ANTXR2: variants seen among roughly 807,000 people sequenced by gnomAD.
The protein encoded by ANTXR2 is ANTXR cell adhesion molecule 2.
ANTXR2 carries 44 observed loss-of-function variants against 73.7 expected under a neutral mutation model. The ratio of observed to expected loss-of-function variants is 0.60; its 90% CI spans 0.47 to 0.77. The LOEUF is 0.77. Among genes scored for constraint, ANTXR2 ranks in the 30% least tolerant of loss-of-function variants. ANTXR2 has a pLI of 0.00. For missense variants in ANTXR2, 604 were observed against 592.5 expected (o/e 1.02, Z -0.20); for synonymous variants, 217 against 205.9 (o/e 1.05, Z -0.46).
At chr4:80,003,533 C>G (rs1731157709) in intron 12 of ANTXR2, among the ~76,000 whole-genome samples, 2 of 151,372 alleles carry the variant, frequency 1.3e-5, no homozygotes, top group Non-Finnish European at 2.9e-5. Context: ...GCACATTGTG[C>G]ACATGTACCC....
chr4:80,003,115 T>C (rs1731131488), intron 12 of ANTXR2, among the ~76,000 whole-genome samples: 1 of 152,074 alleles, frequency 6.6e-6, no homozygotes, highest in African/African-American at 2.4e-5. Context: ...TGCACACGTA[T>C]GTTTATTGCG....
At position 79,904,115 on chromosome 4, in the gene ANTXR2, TTAAAC is replaced by T. The variant is rs1726818317; in HGVS notation, c.*3309_*3313del. On this transcript the variant is annotated 3_prime_UTR_variant, in exon 17 of 17. Coordinates refer to ENST00000403729, the MANE Select transcript of ANTXR2 (RefSeq NM_058172.6). ...CCACAATATAGAATTTGTTTCAACT[TTAAAC>T]TAAACAAATGTATCTGCCTCTGAGC... is the stretch of plus-strand genomic sequence containing the variant. 1 of 99,974 alleles carries T rather than the reference TTAAAC, an allele frequency of 1.0e-5. No homozygotes were observed. Among genetic ancestry groups the T allele is most frequent in the East Asian group, 2.2e-4 (1 of 4,628 alleles). 6.2% of individuals were successfully genotyped at this position (99,974 alleles called of 1,614,324 possible).
At chr4:79,927,907 T>C (rs903812770) in intron 16 of ANTXR2, among the ~76,000 whole-genome samples, 10 of 152,208 alleles carry the variant, frequency 6.6e-5, no homozygotes, top group Admixed American at 5.9e-4. Flanking sequence ...CATGCATTGC[T>C]GGTGGAAATG....
chr4:79,976,584 G>A (rs988234966), intron 16 of ANTXR2, among the ~76,000 whole-genome samples: 1 of 152,200 alleles, frequency 6.6e-6, no homozygotes. Context: ...TTAAAAGTGG[G>A]TATCAATATG....
chr4:79,992,229 T>A (rs952385716), intron 12 of ANTXR2, among the ~76,000 whole-genome samples: 2 of 152,008 alleles, frequency 1.3e-5, no homozygotes, highest in Non-Finnish European at 2.9e-5. Context: ...GTACATATAT[T>A]AGTCTCTCTC....
chr4:80,007,831 TC>T (rs2110055115), intron 12 of ANTXR2, among the ~76,000 whole-genome samples: 1 of 152,304 alleles, frequency 6.6e-6, no homozygotes, highest in East Asian at 1.9e-4. Flanking sequence ...CACATTTTAG[TC>T]CACGTAAACC....
intron 12 of ANTXR2, among the ~76,000 whole-genome samples, chr4:79,997,443 C>T (rs975722159): frequency 4.0e-5 from 6 of 151,780 alleles, no homozygotes; most frequent in African/African-American, 1.5e-4. Flanking sequence ...TGGGGGTCTT[C>T]CTTTCATTCT....
chr4:79,917,259 G>A (rs915553669), intron 16 of ANTXR2, among the ~76,000 whole-genome samples: 4 of 152,068 alleles, frequency 2.6e-5, no homozygotes, highest in Admixed American at 2.6e-4. Context: ...GGCACATGGA[G>A]CCTTCTCAAA....
chr4:80,065,059 A>G (rs1337096248), intron 3 of ANTXR2, among the ~76,000 whole-genome samples: 2 of 152,182 alleles, frequency 1.3e-5, no homozygotes, highest in African/African-American at 4.8e-5. Flanking sequence ...AACAGTATCT[A>G]TTACAGGAAG....
intron 16 of ANTXR2, among the ~76,000 whole-genome samples, chr4:79,928,272 G>A (rs1436224265): frequency 6.6e-6 from 1 of 152,132 alleles, no homozygotes; most frequent in East Asian, 1.9e-4. Flanking sequence ...GACAAATATT[G>A]TATGATCCCA....
chr4:79,918,237 A>G (rs1727432147), intron 16 of ANTXR2, among the ~76,000 whole-genome samples: 1 of 152,106 alleles, frequency 6.6e-6, no homozygotes, highest in Admixed American at 6.6e-5. Context: ...GGTTTGTCAT[A>G]TAAGTAATAA....
chr4:80,053,232 G>A (rs1228837624), intron 7 of ANTXR2, among the ~76,000 whole-genome samples: 1 of 151,428 alleles, frequency 6.6e-6, no homozygotes, highest in East Asian at 2.0e-4. Flanking sequence ...TTTTTACACT[G>A]CAACTATTCC....
At position 80,055,928 on chromosome 4, in the gene ANTXR2, T is replaced by G; in HGVS notation, c.378+4A>C. ...CCCATATTTACAAATGTAAAATAAC[T>G]TACTAGCTTTAGTCCTTCATGGATA... On this transcript the variant is annotated splice_donor_region_variant and intron_variant, in intron 4 of 16. Coordinates refer to ENST00000403729, the MANE Select transcript of ANTXR2 (RefSeq NM_058172.6). 8 of 1,520,972 alleles carry G rather than the reference T, an allele frequency of 5.3e-6. No homozygotes were observed. Among genetic ancestry groups the G allele is most frequent in the Non-Finnish European group, 7.1e-6 (8 of 1,129,592 alleles). The allele number at this position is 1,520,972 out of a possible 1,614,324, so 94.2% of individuals were successfully genotyped here. A position where few individuals can be genotyped will look rare whatever the true frequency, so the allele number is the denominator to read the frequency against.
chr4:79,947,322 G>T (rs147990212), intron 16 of ANTXR2, among the ~76,000 whole-genome samples: 1 of 152,050 alleles, frequency 6.6e-6, no homozygotes, highest in African/African-American at 2.4e-5. Context: ...ATCTGTTCTT[G>T]CATGTTAGTT....
At chr4:79,976,967 A>G (rs1021786516) in intron 16 of ANTXR2, among the ~76,000 whole-genome samples, 1 of 152,244 alleles carries the variant, frequency 6.6e-6, no homozygotes, top group African/African-American at 2.4e-5. Flanking sequence ...CATCAATACA[A>G]TGGGAAATAG....
rs1726729048 is a variant in ANTXR2 at position 79,902,110 on chromosome 4, A to G, written c.*5319T>C. The G allele has an allele frequency of 6.6e-6, 1 of 152,172 alleles. No homozygotes were observed. Among genetic ancestry groups the G allele is most frequent in the African/African-American group, 2.4e-5 (1 of 41,442 alleles). The allele number at this position is 152,172 out of a possible 1,614,324, so 9.4% of individuals were successfully genotyped here. ...AACCTACTTAAATGTACATTTTAAT[A>G]ACTTTAACAATTTATTTTGGATCAC... is the stretch of plus-strand genomic sequence containing the variant. On this transcript the variant is annotated 3_prime_UTR_variant, in exon 17 of 17. Transcript: ENST00000403729.
chr4:79,937,721 G>A (rs1253222273), intron 16 of ANTXR2, among the ~76,000 whole-genome samples: 2 of 152,128 alleles, frequency 1.3e-5, no homozygotes, highest in Non-Finnish European at 2.9e-5. Flanking sequence ...CCTAAGAGAG[G>A]AGCCAAGATG....
intron 16 of ANTXR2, 99 bp downstream of exon 16, chr4:79,977,522 G>T (rs1011763958): frequency 6.6e-7 from 1 of 1,512,164 alleles, no homozygotes; most frequent in Non-Finnish European, 8.8e-7. Flanking sequence ...TTCCTCAAGT[G>T]CAATAGGGCT....
intron 1 of ANTXR2, 21 bp from the exon 2 acceptor site, chr4:80,071,675 G>C: frequency 1.3e-6 from 2 of 1,581,626 alleles, no homozygotes; most frequent in Non-Finnish European, 1.7e-6. Context: ...AAATTGAACT[G>C]ATCAGAGAAA....
Sources: gnomAD v4.1 joint callset for allele counts (sites outside exome capture counted in the v4.1 genomes callset) on GRCh38, gnomAD v4.1.1 for gene constraint, MANE v1.5 for transcripts, NCBI Gene and HGNC (gene_info 2026-07-23, HGNC 2026-07-21) for gene names.